Variants in XPNPEP3 observed in about 807,000 individuals in gnomAD.
The protein encoded by XPNPEP3 is X-prolyl aminopeptidase 3.
A neutral mutation model predicts 60.0 loss-of-function variants in XPNPEP3; 41 were observed. That is an observed-to-expected ratio of 0.68 (90% CI 0.53 to 0.89). XPNPEP3 has a LOEUF of 0.89. XPNPEP3 is among the 40% of genes least tolerant of loss of function. XPNPEP3 has a pLI of 0.00. For missense variants in XPNPEP3, 598 were observed against 638.9 expected, an observed-to-expected ratio of 0.94 and a Z score of 0.69; for synonymous variants, 212 against 223.2, an observed-to-expected ratio of 0.95 and a Z score of 0.45.
intron 1 of XPNPEP3, chr22:40,860,081 A>G (rs1248577735): frequency 6.6e-6 from 1 of 151,980 alleles, no homozygotes; most frequent in Non-Finnish European, 1.5e-5. Context: ...AATTTTTTAA[A>G]TTTTCTATAG....
chr22:40,859,019 G>A (rs1282379597), intron 1 of XPNPEP3, among the ~76,000 whole-genome samples: 1 of 152,176 alleles, frequency 6.6e-6, no homozygotes, highest in Non-Finnish European at 1.5e-5. Flanking sequence ...GCTTCTCAAA[G>A]TGTTGCGATT....
rs1262679474 is a variant in XPNPEP3, at chr22:40,924,609, C to T, written c.1357+127C>T. 28 of 1,365,294 alleles carry T rather than the reference C, an allele frequency of 2.1e-5. No individual in the cohort carries two copies. In the Middle Eastern group the frequency reaches 1.0e-3, roughly 49 times the overall value. The allele number at this position is 1,365,294 out of a possible 1,614,324, so 84.6% of individuals were successfully genotyped here. Reference sequence around the variant, plus strand: ...TGTGATCTTCACTCACTGCAACCTCCGCCCCCCAGGTTCAGCAATTCTCCT... The same window carrying T: ...TGTGATCTTCACTCACTGCAACCTCTGCCCCCCAGGTTCAGCAATTCTCCT... On this transcript the variant is annotated intron_variant, in intron 9 of 9. Transcript: ENST00000357137.
intron 3 of XPNPEP3, among the ~76,000 whole-genome samples, chr22:40,884,334 CTT>C (rs1216026499): frequency 2.0e-4 from 27 of 138,342 alleles, no homozygotes; most frequent in Admixed American, 2.2e-4. Flanking sequence ...GTCACCATTC[CTT>C]TTTTTTTTTT....
intron 4 of XPNPEP3, among the ~76,000 whole-genome samples, chr22:40,899,174 T>C (rs564772025): frequency 2.0e-5 from 3 of 152,316 alleles, no homozygotes; most frequent in East Asian, 3.9e-4. Flanking sequence ...CGCTGTCAAC[T>C]TGCCACTCGA....
In XPNPEP3 at chr22:40,861,381, A is replaced by G. The variant is rs746473785; in HGVS notation, c.64+4136A>G. 7.4e-6 allele frequency: 12 copies of G among 1,613,698 alleles called. 1 individual carries two copies. Among genetic ancestry groups the G allele is most frequent in the East Asian group, 4.5e-5 (2 of 44,894 alleles). ...AGCTTCTCTTTCTTGATCACTTTCA[A>G]TAATTTTCTTTGTATTAATATTTCT... On this transcript the variant is annotated intron_variant, in intron 1 of 9. Coordinates refer to ENST00000357137, the MANE Select transcript of XPNPEP3 (RefSeq NM_022098.4).
At chr22:40,894,687 A>G (rs2058101226) in intron 4 of XPNPEP3, among the ~76,000 whole-genome samples, 1 of 152,152 alleles carries the variant, frequency 6.6e-6, no homozygotes, top group African/African-American at 2.4e-5. Flanking sequence ...TCCTCCACCC[A>G]TTTCATAGAC....
At chr22:40,874,871 G>GA (rs2145779426) in intron 2 of XPNPEP3, among the ~76,000 whole-genome samples, 2 of 152,320 alleles carry the variant, frequency 1.3e-5, no homozygotes, top group Middle Eastern at 3.4e-3. Context: ...TTAAAGCAGA[G>GA]AATGTGCCTT....
intron 4 of XPNPEP3, among the ~76,000 whole-genome samples, chr22:40,896,280 C>T (rs536059048): frequency 1.1e-4 from 16 of 152,236 alleles, no homozygotes; most frequent in African/African-American, 3.9e-4. Flanking sequence ...CTGCCCACCT[C>T]GGCCTCCCAA....
Position 40,857,169 on chromosome 22 carries a change from G to A in XPNPEP3, c.-13G>A. 4 of 1,614,136 alleles carry A rather than the reference G, an allele frequency of 2.5e-6. No individual in the cohort carries two copies. The highest frequency in any genetic ancestry group is 3.4e-6 in the Non-Finnish European group (4 of 1,180,006). On this transcript the variant is annotated 5_prime_UTR_variant, in exon 1 of 10. Coordinates refer to ENST00000357137, the MANE Select transcript of XPNPEP3 (RefSeq NM_022098.4). Reference sequence around the variant, plus strand: ...TACCCTCTTTCTCTTCCCGACGCGTGAGTTAGGCCGTAATGCCTTGGCTGC... The same window carrying A: ...TACCCTCTTTCTCTTCCCGACGCGTAAGTTAGGCCGTAATGCCTTGGCTGC...
chr22:40,891,451 G>A (rs969761230), intron 4 of XPNPEP3, among the ~76,000 whole-genome samples: 5 of 151,460 alleles, frequency 3.3e-5, no homozygotes, highest in Middle Eastern at 3.4e-3. Flanking sequence ...TCAGGAGTTC[G>A]AGACCAGCCT....
At chr22:40,885,676 C>G (rs2058065795) in intron 3 of XPNPEP3, among the ~76,000 whole-genome samples, 1 of 152,110 alleles carries the variant, frequency 6.6e-6, no homozygotes, top group Non-Finnish European at 1.5e-5. Context: ...TGGTGAAGAA[C>G]AGTTGTTCTA....
chr22:40,873,960 C>T (rs1003580422), intron 2 of XPNPEP3, among the ~76,000 whole-genome samples: 1 of 151,992 alleles, frequency 6.6e-6, no homozygotes, highest in African/African-American at 2.4e-5. Context: ...AATCAGCTGC[C>T]CATCTTTCAG....
intron 7 of XPNPEP3, among the ~76,000 whole-genome samples, chr22:40,915,050 CTTTTTTTTT>C (rs34697318): frequency 7.6e-5 from 9 of 117,882 alleles, no homozygotes. Flanking sequence ...CAAGTCCATT[CTTTTTTTTT>C]TTTTTTTTTT....
At chr22:40,912,515 A>C (rs1254215138) in intron 6 of XPNPEP3, among the ~76,000 whole-genome samples, 1 of 152,148 alleles carries the variant, frequency 6.6e-6, no homozygotes, top group Admixed American at 6.6e-5. Flanking sequence ...TATTCTTGAT[A>C]TATTTTTGCC....
chr22:40,908,083 G>A (rs1457611306), intron 5 of XPNPEP3, among the ~76,000 whole-genome samples: 3 of 151,916 alleles, frequency 2.0e-5, no homozygotes, highest in African/African-American at 7.3e-5. Context: ...GTGTGGTAAC[G>A]TATGCCTGTA....
chr22:40,862,528 TACAA>T lies in XPNPEP3; in HGVS notation c.64+5288_64+5291del, dbSNP rs572026877. 192 of 985,522 alleles carry T rather than the reference TACAA, an allele frequency of 1.9e-4. 1 individual carries two copies. The African/African-American group carries it at 3.3e-3, about 17-fold the overall frequency. The allele number at this position is 985,522 out of a possible 1,614,324, so 61.0% of individuals were successfully genotyped here. A position where few individuals can be genotyped will look rare whatever the true frequency, so the allele number is the denominator to read the frequency against. ...AGTCAAGAAACAGTTCAGAGGGAGA[TACAA>T]ACAAGTAACTTAGTTACAATATAAT... On this transcript the variant is annotated intron_variant, in intron 1 of 9. Transcript: ENST00000357137.
chr22:40,876,574 G>A (rs1478072673), intron 2 of XPNPEP3, among the ~76,000 whole-genome samples: 2 of 152,122 alleles, frequency 1.3e-5, no homozygotes, highest in African/African-American at 4.8e-5. Context: ...TGCTAAGCCA[G>A]GATTCCAACT....
rs190110232 is a variant in XPNPEP3, at chr22:40,877,412, G to T, written c.182-4358G>T. 3.5e-4 allele frequency among the ~76,000 whole-genome samples: 53 copies of T among 152,242 alleles called. No homozygotes were observed. The East Asian group carries it at 9.8e-3, about 28-fold the overall frequency. On this transcript the variant is annotated intron_variant, in intron 2 of 9. Transcript: ENST00000357137. ...GGAAATAATTAAAAATACAAACCTA[G>T]ATTGTAGTAGAGACCTGTATCATTT...
At position 40,881,796 on chromosome 22, in the gene XPNPEP3, G is replaced by A. The variant is rs776313148; in HGVS notation, c.208G>A (p.Val70Met). The A allele has an allele frequency of 3.7e-6, 6 of 1,613,916 alleles. No individual in the cohort carries two copies. The highest frequency in any genetic ancestry group is 5.1e-6 in the Non-Finnish European group (6 of 1,179,982). The change falls in exon 3 of 10, where the codon GTG becomes ATG. Residue 70 changes from valine (V) to methionine (M), a missense_variant. Physicochemically the swap from Val to Met is conservative, Grantham distance 21 (BLOSUM62 1). Coordinates refer to ENST00000357137, the MANE Select transcript of XPNPEP3 (RefSeq NM_022098.4). ...PGEVTPGLSQ[V>M]EYALRRHKLM... ...GGAGGTAACTCCAGGACTATCTCAG[G>A]TGGAATATGCACTTCGCAGACACAA...
Sources: gnomAD v4.1 joint callset for allele counts (sites outside exome capture counted in the v4.1 genomes callset) on GRCh38, gnomAD v4.1.1 for gene constraint, MANE v1.5 for transcripts, NCBI Gene and HGNC (gene_info 2026-07-23, HGNC 2026-07-21) for gene names.